Variants in RSRP1 observed in about 807,000 individuals in gnomAD.
The protein encoded by RSRP1 is arginine and serine rich protein 1.
In RSRP1, 37 loss-of-function variants were observed where a neutral mutation model predicts 33.0. The ratio of observed to expected loss-of-function variants is 1.12; its 90% CI spans 0.86 to 1.48. RSRP1 has a LOEUF of 1.48. RSRP1 is among the 40% of genes most tolerant of loss of function. RSRP1 has a pLI of 0.00. For missense variants in RSRP1, 402 were observed against 385.3 expected (o/e 1.04, Z -0.36); for synonymous variants, 167 against 158.7 (o/e 1.05, Z -0.40).
At chr1:25,261,596 G>A (rs950775468) in intron 1 of RSRP1, among the ~76,000 whole-genome samples, 1 of 151,760 alleles carries the variant, frequency 6.6e-6, no homozygotes, top group African/African-American at 2.4e-5. Context: ...AGTAGAGACG[G>A]GGTTTCACCA....
At chr1:25,253,275 G>A (rs1557494939) in intron 1 of RSRP1, 1 of 152,218 alleles carries the variant, frequency 6.6e-6, no homozygotes, top group Non-Finnish European at 1.5e-5. Flanking sequence ...CATCCTTTAA[G>A]AGAAATCACA....
In RSRP1 at chr1:25,299,883, A is replaced by G. The variant is rs370317125; in HGVS notation, c.-67+38095T>C. ...TCCTGCATCAGCCTCCCAGGTAGAT[A>G]GGATTACAAGCAAGCATCACCACGC... On this transcript the variant is annotated intron_variant, in intron 1 of 1. Coordinates refer to the RSRP1 transcript ENST00000561867. 5.2e-3 allele frequency among the ~76,000 whole-genome samples: 677 copies of G among 130,432 alleles called. 100 individuals are homozygous for G. Among genetic ancestry groups the G allele is most frequent in the African/African-American group, 0.016 (608 of 37,922 alleles). The allele number at this position is 130,432 out of a possible 152,430, so 85.6% of individuals were successfully genotyped here. A position where few individuals can be genotyped will look rare whatever the true frequency, so the allele number is the denominator to read the frequency against.
chr1:25,261,379 T>C (rs139046070), intron 1 of RSRP1, among the ~76,000 whole-genome samples: 2 of 152,010 alleles, frequency 1.3e-5, no homozygotes, highest in South Asian at 2.1e-4. Context: ...CACAAAGACT[T>C]TGCTCTGAGA....
rs190170510 is a variant in RSRP1 at position 25,316,143 on chromosome 1, C to G, written c.-67+21835G>C. Among the ~76,000 whole-genome samples the G allele has an allele frequency of 3.6e-3, 467 of 131,108 alleles. 75 individuals carry two copies. The highest frequency in any genetic ancestry group is 0.011 in the African/African-American group (424 of 38,096). 86.0% of individuals were successfully genotyped at this position (131,108 alleles called of 152,430 possible). A position where few individuals can be genotyped will look rare whatever the true frequency, so the allele number is the denominator to read the frequency against. ...CCCTGGGACAATCACATTCAGCATC[C>G]AAGGGCCCCCGTAATAGCTTAATGT... On this transcript the variant is annotated intron_variant, in intron 1 of 1. Transcript: ENST00000561867.
In RSRP1 at chr1:25,319,532, T is replaced by C. The variant is rs532546623; in HGVS notation, c.-67+18446A>G. Among the ~76,000 whole-genome samples, 73 of 131,924 alleles carry C rather than the reference T, an allele frequency of 5.5e-4. 2 individuals carry two copies. In the East Asian group the frequency reaches 0.013, roughly 23 times the overall value. 86.5% of individuals were successfully genotyped at this position (131,924 alleles called of 152,430 possible). On this transcript the variant is annotated intron_variant, in intron 1 of 1. Coordinates refer to the RSRP1 transcript ENST00000561867. Reference sequence around the variant, plus strand: ...GCTGAGATGGGAGGATCAGTTGAGCTTGGGAGGCAGAAGTTGCAGTGAGCT... The same window carrying C: ...GCTGAGATGGGAGGATCAGTTGAGCCTGGGAGGCAGAAGTTGCAGTGAGCT...
intron 1 of RSRP1, chr1:25,321,773 G>A (rs1571758683): frequency 1.9e-6 from 1 of 524,334 alleles, no homozygotes; most frequent in Non-Finnish European, 3.8e-6. Context: ...TCAATTGTGG[G>A]AGAAAAAGGA....
Position 25,271,011 on chromosome 1 carries a change from G to A in RSRP1, c.-66-23982C>T, listed in dbSNP as rs370680900. Among the ~76,000 whole-genome samples the A allele has an allele frequency of 3.2e-4, 42 of 130,142 alleles. 4 individuals are homozygous for A. In the East Asian group the frequency reaches 7.1e-3, roughly 22 times the overall value. The allele number at this position is 130,142 out of a possible 152,430, so 85.4% of individuals were successfully genotyped here. A position where few individuals can be genotyped will look rare whatever the true frequency, so the allele number is the denominator to read the frequency against. Reference sequence around the variant, plus strand: ...ATATAACTTGCTTTTTCACTAAACAGTCTATCCTCTGTGTCAGTTTTGATA... The same window carrying A: ...ATATAACTTGCTTTTTCACTAAACAATCTATCCTCTGTGTCAGTTTTGATA... On this transcript the variant is annotated intron_variant, in intron 1 of 1. Coordinates refer to the RSRP1 transcript ENST00000561867.
At chr1:25,262,985 A>C (rs1640204767) in intron 1 of RSRP1, among the ~76,000 whole-genome samples, 1 of 152,182 alleles carries the variant, frequency 6.6e-6, no homozygotes, top group Non-Finnish European at 1.5e-5. Flanking sequence ...ACCTAAAATT[A>C]ACCATCACAA....
rs771950054 is a variant in RSRP1, at chr1:25,269,068, G to T, written c.-66-22039C>A. On this transcript the variant is annotated intron_variant, in intron 1 of 1. Coordinates refer to the RSRP1 transcript ENST00000561867. ...CAGTTGTTCCTTGACTTTCGATGGG[G>T]TTATGTCCTGATAAAGCCATGGTAA... 2.3e-5 allele frequency among the ~76,000 whole-genome samples: 3 copies of T among 131,708 alleles called. 1 individual carries two copies. Among genetic ancestry groups the T allele is most frequent in the African/African-American group, 7.8e-5 (3 of 38,584 alleles). The allele number at this position is 131,708 out of a possible 152,430, so 86.4% of individuals were successfully genotyped here. A position where few individuals can be genotyped will look rare whatever the true frequency, so the allele number is the denominator to read the frequency against.
chr1:25,309,804 G>C (rs1017756625), intron 1 of RSRP1, among the ~76,000 whole-genome samples: 1 of 132,408 alleles, frequency 7.6e-6, no homozygotes, highest in African/African-American at 2.6e-5. Flanking sequence ...GCTGCTGTGA[G>C]GACATGTGTT....
At chr1:25,259,281 T>C (rs1188850863) in intron 1 of RSRP1, among the ~76,000 whole-genome samples, 2 of 151,816 alleles carry the variant, frequency 1.3e-5, no homozygotes, top group African/African-American at 4.8e-5. Context: ...TTAGTAAAGA[T>C]GGGGTTTCAC....
rs537318177 is a variant in RSRP1, at chr1:25,266,329, G to A, written c.-66-19300C>T. On this transcript the variant is annotated intron_variant, in intron 1 of 1. Transcript: ENST00000561867. ...GAAAGGAGTTAGTATCTTTTCTCCC[G>A]CACTCATTAGCTATTAAAAGAGGAT... Among the ~76,000 whole-genome samples, 626 of 129,466 alleles carry A rather than the reference G, an allele frequency of 4.8e-3. 62 individuals carry two copies. The highest frequency in any genetic ancestry group is 0.016 in the African/African-American group (605 of 37,394). The allele number at this position is 129,466 out of a possible 152,430, so 84.9% of individuals were successfully genotyped here.
intron 2 of RSRP1, 101 bp from the exon 3 acceptor site, chr1:25,245,402 AAAT>A: frequency 1.4e-6 from 2 of 1,391,538 alleles, no homozygotes; most frequent in Non-Finnish European, 1.9e-6. Context: ...TTGTGGTATT[AAAT>A]ATATTAAGTC....
intron 1 of RSRP1, chr1:25,336,255 T>C (rs2124216016): frequency 9.3e-6 from 1 of 107,600 alleles, no homozygotes; most frequent in East Asian, 2.3e-4. Flanking sequence ...TGTGGTATTC[T>C]GGAGGGGATC....
chr1:25,287,289 C>T (rs1642110131), intron 1 of RSRP1, among the ~76,000 whole-genome samples: 1 of 133,304 alleles, frequency 7.5e-6, no homozygotes, highest in Non-Finnish European at 1.8e-5. Context: ...CAGCCTCCTG[C>T]CCCACAGTCT....
chr1:25,246,548 T>C lies in RSRP1; in HGVS notation c.416A>G (p.Tyr139Cys), dbSNP rs1639417530. 1 of 1,614,126 alleles carries C rather than the reference T, an allele frequency of 6.2e-7. No individual in the cohort carries two copies. The highest frequency in any genetic ancestry group is 8.5e-7 in the Non-Finnish European group (1 of 1,180,054). Residue 139 changes from tyrosine to cysteine, a missense_variant, in exon 2 of 5, where the codon TAC becomes TGC. Tyr to Cys is a radical substitution (Grantham distance 194). Coordinates refer to ENST00000243189, the MANE Select transcript of RSRP1 (RefSeq NM_020317.5). Reference protein sequence around the residue: ...RAYAIARGQRYYGFGRTVYPE... With the variant: ...RAYAIARGQRCYGFGRTVYPE... ...GTACACTGTGCGACCAAAGCCGTAG[T>C]AGCGCTGTCCCCGCGCGATCGCGTA...
intron 1 of RSRP1, among the ~76,000 whole-genome samples, chr1:25,310,392 C>G (rs1292867512): frequency 7.5e-6 from 1 of 132,828 alleles, no homozygotes; most frequent in African/African-American, 2.6e-5. Context: ...GATGACTTCT[C>G]CATGTCATGA....
At chr1:25,321,543 G>A (rs191622759) in intron 1 of RSRP1, among the ~76,000 whole-genome samples, 1,842 of 121,458 alleles carry the variant, frequency 0.015, 293 homozygotes, top group African/African-American at 0.047. Flanking sequence ...GGTGGCAGGC[G>A]CCTATAATCT....
intron 3 of RSRP1, chr1:25,244,777 T>C: frequency 9.7e-7 from 1 of 1,025,738 alleles, no homozygotes; most frequent in Non-Finnish European, 1.3e-6. Flanking sequence ...CTTAGCATCC[T>C]AGGCTCAAAG....
Sources: gnomAD v4.1 joint callset for allele counts (sites outside exome capture counted in the v4.1 genomes callset) on GRCh38, gnomAD v4.1.1 for gene constraint, MANE v1.5 for transcripts, NCBI Gene and HGNC (gene_info 2026-07-23, HGNC 2026-07-21) for gene names.